The following TOGARAM1 variants were observed in gnomAD, a reference collection of about 807,000 sequenced individuals.
TOGARAM1 encodes TOG array regulator of axonemal microtubules protein 1.
TOGARAM1 carries 100 observed loss-of-function variants against 166.6 expected under a neutral mutation model. The observed-to-expected ratio is 0.60, with a 90% CI of 0.51 to 0.71. The LOEUF is 0.71. TOGARAM1 is among the 30% of genes least tolerant of loss of function. TOGARAM1 has a pLI of 0.00. For synonymous variants in TOGARAM1, 758 were observed against 763.8 expected (o/e 0.99, Z 0.13); for missense variants, 2,029 against 2,102.7 (o/e 0.96, Z 0.69).
At chr14:45,063,479 G>GTTTTTTTTTTTTTTTTTTTTTTTT (rs373702236) in intron 16 of TOGARAM1, among the ~76,000 whole-genome samples, 7 of 118,686 alleles carry the variant, frequency 5.9e-5, no homozygotes, top group African/African-American at 1.1e-4. Flanking sequence ...ATTTGACAAA[G>GTTTTTTTTTTTTTTTTTTTTTTTT]TTTTTTTTTT....
intron 1 of TOGARAM1, among the ~76,000 whole-genome samples, chr14:44,982,791 T>TA (rs1232979902): frequency 1.3e-5 from 2 of 152,256 alleles, no homozygotes; most frequent in African/African-American, 2.4e-5. Flanking sequence ...TTGCCTCATT[T>TA]AGTATTTAGC....
chr14:45,066,018 G>A (rs1313269764), intron 16 of TOGARAM1, among the ~76,000 whole-genome samples: 3 of 152,150 alleles, frequency 2.0e-5, no homozygotes, highest in South Asian at 2.1e-4. Context: ...AGTTTACTGC[G>A]CCTAAATTGT....
At chr14:45,024,083 T>C (rs1389658160) in intron 7 of TOGARAM1, among the ~76,000 whole-genome samples, 2 of 152,178 alleles carry the variant, frequency 1.3e-5, no homozygotes, top group Non-Finnish European at 2.9e-5. Context: ...TTGCATCAGC[T>C]TAATTTATTT....
chr14:45,050,910 C>A (rs892061038), intron 14 of TOGARAM1, among the ~76,000 whole-genome samples: 2 of 152,188 alleles, frequency 1.3e-5, no homozygotes, highest in African/African-American at 4.8e-5. Context: ...CCACCACGCC[C>A]AGCCTCTTCT....
intron 3 of TOGARAM1, among the ~76,000 whole-genome samples, chr14:45,001,140 CATTTGTT>C (rs1295981002): frequency 6.6e-6 from 1 of 152,160 alleles, no homozygotes; most frequent in Non-Finnish European, 1.5e-5. Context: ...TCCTTGCCAC[CATTTGTT>C]ATTTTTTGTC....
intron 13 of TOGARAM1, 63 bp from the exon 14 acceptor site, chr14:45,046,482 C>A: frequency 8.2e-7 from 1 of 1,213,356 alleles, no homozygotes; most frequent in Non-Finnish European, 1.0e-6. Context: ...CCCATAGATC[C>A]ATAGATCTTT....
chr14:45,025,590 G>A, intron 7 of TOGARAM1, 193 bp from the exon 8 acceptor site: 1 of 435,540 alleles, frequency 2.3e-6, no homozygotes, highest in Non-Finnish European at 4.0e-6. Flanking sequence ...GGAAAGGAAG[G>A]TTTAAGTGCC....
chr14:45,010,778 C>CCTGATTTAAAGATTTTGT (rs1275060668), intron 6 of TOGARAM1, among the ~76,000 whole-genome samples: 4 of 152,132 alleles, frequency 2.6e-5, no homozygotes, highest in African/African-American at 9.7e-5. Context: ...ACTACTACTA[C>CCTGATTTAAAGATTTTGT]CTGATTTAAA....
At chr14:44,995,639 A>C in intron 1 of TOGARAM1, 107 bp from the exon 2 acceptor site, 1 of 788,456 alleles carries the variant, frequency 1.3e-6, no homozygotes, top group Non-Finnish European at 2.0e-6. Context: ...TGATAAATTA[A>C]AATTTATTCT....
At chr14:45,068,973 A>G (rs1883260383) in intron 18 of TOGARAM1, among the ~76,000 whole-genome samples, 1 of 152,072 alleles carries the variant, frequency 6.6e-6, no homozygotes, top group African/African-American at 2.4e-5. Flanking sequence ...AGAAAATAAT[A>G]ATAAATAAAC....
chr14:44,965,945 G>C (rs1283669414), intron 1 of TOGARAM1, among the ~76,000 whole-genome samples: 5 of 144,192 alleles, frequency 3.5e-5, no homozygotes, highest in Non-Finnish European at 7.4e-5. Flanking sequence ...CGCAATCTCA[G>C]CTCACTGCAA....
At chr14:44,995,722 T>C in intron 1 of TOGARAM1, 24 bp from the exon 2 acceptor site, 2 of 1,494,676 alleles carry the variant, frequency 1.3e-6, no homozygotes, top group Non-Finnish European at 1.8e-6. Flanking sequence ...ACAAATTTGC[T>C]AATTTATGAT....
intron 13 of TOGARAM1, among the ~76,000 whole-genome samples, chr14:45,045,587 G>A (rs368783653): frequency 0.12 from 2,875 of 23,270 alleles, 68 homozygotes; most frequent in African/African-American, 0.16. Context: ...ATATATATGT[G>A]TGTGTGTGTG....
At chr14:45,018,428 G>A (rs554385162) in intron 7 of TOGARAM1, among the ~76,000 whole-genome samples, 2 of 152,120 alleles carry the variant, frequency 1.3e-5, no homozygotes, top group East Asian at 3.9e-4. Flanking sequence ...TTTTTCAGTA[G>A]AGACAGGGTT....
At chr14:45,072,149 C>G (rs1253713810) in intron 19 of TOGARAM1, among the ~76,000 whole-genome samples, 1 of 152,156 alleles carries the variant, frequency 6.6e-6, no homozygotes, top group Non-Finnish European at 1.5e-5. Context: ...GGTTCAGGCT[C>G]CTGCCTTAAC....
At chr14:45,028,562 A>G (rs73348088) in intron 10 of TOGARAM1, among the ~76,000 whole-genome samples, 17,001 of 152,170 alleles carry the variant, frequency 0.11, 1,379 homozygotes, top group African/African-American at 0.23. Flanking sequence ...GATCTCTTCT[A>G]TACTCCTGGA....
At chr14:45,029,283 G>A (rs1191786960) in intron 10 of TOGARAM1, among the ~76,000 whole-genome samples, 2 of 152,238 alleles carry the variant, frequency 1.3e-5, no homozygotes, top group South Asian at 2.1e-4. Flanking sequence ...AAAAACCCAC[G>A]AAACTTCCTA....
chr14:44,974,338 C>A (rs1886064477), intron 1 of TOGARAM1, among the ~76,000 whole-genome samples: 1 of 151,928 alleles, frequency 6.6e-6, no homozygotes, highest in East Asian at 1.9e-4. Flanking sequence ...TTTTTGATTT[C>A]TAGGTTTCTT....
chr14:45,050,116 T>G (rs1355246632), intron 14 of TOGARAM1, among the ~76,000 whole-genome samples: 1 of 152,154 alleles, frequency 6.6e-6, no homozygotes, highest in Admixed American at 6.5e-5. Flanking sequence ...AGAATTGCCC[T>G]TGGAAATATA....
Sources: gnomAD v4.1 joint callset for allele counts (sites outside exome capture counted in the v4.1 genomes callset) on GRCh38, gnomAD v4.1.1 for gene constraint, MANE v1.5 for transcripts, NCBI Gene and HGNC (gene_info 2026-07-23, HGNC 2026-07-21) for gene names.